Variants in PACRG observed in about 807,000 individuals in gnomAD.
PACRG encodes parkin coregulated.
PACRG carries 29 observed loss-of-function variants against 29.7 expected under a neutral mutation model. The ratio of observed to expected loss-of-function variants is 0.98; its 90% confidence interval spans 0.73 to 1.33. The LOEUF is 1.33. Among genes scored for constraint, PACRG ranks in the 40% most tolerant of loss-of-function variants. The pLI, the probability that PACRG is intolerant of heterozygous loss-of-function variation, is 0.00. For synonymous variants in PACRG, 116 were observed against 118.7 expected, an observed-to-expected ratio of 0.98 and a Z score of 0.15; for missense variants, 279 against 316.2, an observed-to-expected ratio of 0.88 and a Z score of 0.89.
intron 4 of PACRG, among the ~76,000 whole-genome samples, chr6:163,118,691 C>T (rs894559478): frequency 6.6e-6 from 1 of 152,156 alleles, no homozygotes; most frequent in African/African-American, 2.4e-5. Context: ...TGTTCCATTT[C>T]TTAGGAGACA....
intron 4 of PACRG, among the ~76,000 whole-genome samples, chr6:163,247,020 T>C (rs1243992752): frequency 6.6e-6 from 1 of 152,206 alleles, no homozygotes; most frequent in African/African-American, 2.4e-5. Context: ...GCTGTTTCTT[T>C]GATCATGGCC....
chr6:163,050,130 C>T (rs573776005), intron 2 of PACRG, among the ~76,000 whole-genome samples: 17 of 152,146 alleles, frequency 1.1e-4, no homozygotes, highest in African/African-American at 3.1e-4. Flanking sequence ...ATCCATTCTA[C>T]GTAAGTTTTT....
chr6:163,029,196 A>C lies in PACRG; in HGVS notation c.292-32954A>C, dbSNP rs572528347. 7.2e-5 allele frequency among the ~76,000 whole-genome samples: 11 copies of C among 152,294 alleles called. No individual in the cohort carries two copies. In the East Asian group the frequency reaches 1.6e-3, roughly 21 times the overall value. On this transcript the variant is annotated intron_variant, in intron 2 of 4. Transcript: ENST00000366888. The stretch of plus-strand genomic sequence containing the variant: ...GGAGGCCGAAAAGATAAGGAGACAC[A>C]TTCTCCCCTAAACCTCCAGAACCAG...
intron 4 of PACRG, among the ~76,000 whole-genome samples, chr6:163,221,571 A>T (rs1282430237): frequency 6.6e-6 from 1 of 152,282 alleles, no homozygotes; most frequent in Admixed American, 6.5e-5. Flanking sequence ...CCGCCTGATT[A>T]TCAGAAAGGA....
At chr6:162,759,264 C>T (rs1375960742) in intron 1 of PACRG, among the ~76,000 whole-genome samples, 1 of 152,174 alleles carries the variant, frequency 6.6e-6, no homozygotes, top group Non-Finnish European at 1.5e-5. Context: ...GTGAGGGACT[C>T]ACAGTGCCTT....
At chr6:162,916,852 A>C (rs1467221520) in intron 2 of PACRG, among the ~76,000 whole-genome samples, 2 of 151,900 alleles carry the variant, frequency 1.3e-5, no homozygotes, top group East Asian at 3.9e-4. Context: ...GAGCTGGCCC[A>C]GTGTCCTGTG....
At chr6:163,077,947 C>T (rs578059256) in intron 3 of PACRG, among the ~76,000 whole-genome samples, 1 of 152,250 alleles carries the variant, frequency 6.6e-6, no homozygotes, top group Non-Finnish European at 1.5e-5. Flanking sequence ...GCTTAGCTGT[C>T]CCTGCCAGCA....
intron 2 of PACRG, among the ~76,000 whole-genome samples, chr6:162,890,848 C>A (rs1316136898): frequency 6.6e-6 from 1 of 152,162 alleles, no homozygotes; most frequent in African/African-American, 2.4e-5. Context: ...ACCTTCACGA[C>A]CCCCTTGAGC....
At chr6:162,981,703 A>G (rs1013524707) in intron 2 of PACRG, among the ~76,000 whole-genome samples, 1 of 152,026 alleles carries the variant, frequency 6.6e-6, no homozygotes, top group Admixed American at 6.6e-5. Flanking sequence ...TGTGTCATCT[A>G]TGATTTCTTT....
At chr6:163,295,307 A>G (rs1784746920) in intron 4 of PACRG, among the ~76,000 whole-genome samples, 1 of 152,224 alleles carries the variant, frequency 6.6e-6, no homozygotes. Context: ...TCCACAGATT[A>G]GGGGGAGCTC....
At chr6:163,004,726 G>GTATATATATATATA (rs1554333004) in intron 2 of PACRG, among the ~76,000 whole-genome samples, 1 of 135,986 alleles carries the variant, frequency 7.4e-6, no homozygotes, top group Non-Finnish European at 1.5e-5. Context: ...GTGTGTGTGT[G>GTATATATATATATA]TATATATATA....
At chr6:163,218,049 G>A (rs200472648) in intron 4 of PACRG, among the ~76,000 whole-genome samples, 2 of 152,254 alleles carry the variant, frequency 1.3e-5, no homozygotes, top group South Asian at 4.2e-4. Context: ...CAAAAAGGCT[G>A]GGGCCCCTGC....
rs138711356 is a variant in PACRG, at chr6:162,792,564, A to G, written c.157-21583A>G. Among the ~76,000 whole-genome samples the G allele has an allele frequency of 5.7e-3, 873 of 152,266 alleles. 6 individuals are homozygous for G. The highest frequency in any genetic ancestry group is 0.02 in the Middle Eastern group (6 of 294). ...GGCTGAAGCACTGGTCCAACTATCTACACAGGCCCTGAAATGGGATAGAAC... is the reference window on the plus strand; with the variant it reads ...GGCTGAAGCACTGGTCCAACTATCTGCACAGGCCCTGAAATGGGATAGAAC... On this transcript the variant is annotated intron_variant, in intron 1 of 4. Coordinates refer to ENST00000366888, the MANE Select transcript of PACRG (RefSeq NM_001080379.2).
rs139162486 is a variant in PACRG, at chr6:162,914,103, G to A, written c.291+99822G>A. 3.8e-3 allele frequency among the ~76,000 whole-genome samples: 570 copies of A among 151,804 alleles called. 5 individuals carry two copies. The highest frequency in any genetic ancestry group is 0.012 in the African/African-American group (514 of 41,404). On this transcript the variant is annotated intron_variant, in intron 2 of 4. Coordinates refer to ENST00000366888, the MANE Select transcript of PACRG (RefSeq NM_001080379.2). Reference sequence around the variant, plus strand: ...CAGCTTATCATTTTTTTCTTTTATGGTTTTACTTTTGGTATGCTAATCTAA... The same window carrying A: ...CAGCTTATCATTTTTTTCTTTTATGATTTTACTTTTGGTATGCTAATCTAA...
At chr6:163,048,464 A>AT (rs1300389800) in intron 2 of PACRG, among the ~76,000 whole-genome samples, 1 of 152,204 alleles carries the variant, frequency 6.6e-6, no homozygotes, top group Non-Finnish European at 1.5e-5. Context: ...CTATTTGGCC[A>AT]TCATTCAATG....
chr6:163,245,304 T>G (rs2294458), intron 4 of PACRG: 23,123 of 215,702 alleles, frequency 0.11, 1,457 homozygotes, highest in East Asian at 0.21. Context: ...TTCTATAAAC[T>G]ATGCCATTTT....
chr6:162,869,973 A>G (rs1792659841), intron 2 of PACRG, among the ~76,000 whole-genome samples: 1 of 152,170 alleles, frequency 6.6e-6, no homozygotes, highest in South Asian at 2.1e-4. Flanking sequence ...ATATGGTTTT[A>G]TAAAAAGGAG....
chr6:163,250,636 C>A (rs11757844), intron 4 of PACRG, among the ~76,000 whole-genome samples: 17,937 of 152,060 alleles, frequency 0.12, 1,071 homozygotes, highest in South Asian at 0.13. Flanking sequence ...GTAGAACTAC[C>A]ATTTGATCCA....
intron 4 of PACRG, among the ~76,000 whole-genome samples, chr6:163,307,866 T>C (rs1382369277): frequency 1.3e-5 from 2 of 152,242 alleles, no homozygotes; most frequent in Non-Finnish European, 2.9e-5. Flanking sequence ...TCCTAGGTTT[T>C]CCCCTGCCTC....
Sources: allele counts gnomAD v4.1 joint callset (sites outside exome capture counted in the v4.1 genomes callset), GRCh38; gene constraint gnomAD v4.1.1; transcripts MANE v1.5; gene names NCBI Gene and HGNC (gene_info 2026-07-23, HGNC 2026-07-21).